The following PPA2 variants were observed in gnomAD, a reference collection of about 807,000 sequenced individuals.
PPA2 encodes the protein inorganic pyrophosphatase 2, mitochondrial.
Under a neutral mutation model 49.5 loss-of-function variants are expected in PPA2, and 48 were observed. The observed-to-expected ratio is 0.97, with a 90% CI of 0.77 to 1.23. The LOEUF (loss-of-function observed/expected upper bound fraction) is 1.23, where lower values mean the gene tolerates loss of function less well. PPA2 is among the 50% of genes most tolerant of loss of function. PPA2 has a pLI of 0.00. For synonymous variants in PPA2, 131 were observed against 139.9 expected, an observed-to-expected ratio of 0.94 and a Z score of 0.45; for missense variants, 429 against 410.1, an observed-to-expected ratio of 1.05 and a Z score of -0.40.
At chr4:105,374,238 G>A (rs1002680860) in intron 10 of PPA2, among the ~76,000 whole-genome samples, 1 of 152,128 alleles carries the variant, frequency 6.6e-6, no homozygotes, top group Admixed American at 6.6e-5. Context: ...CCAACAATGA[G>A]TATTGTTTTA....
chr4:105,442,130 A>G (rs1724400091), intron 5 of PPA2, among the ~76,000 whole-genome samples: 1 of 152,040 alleles, frequency 6.6e-6, no homozygotes, highest in Admixed American at 6.5e-5. Flanking sequence ...TTGGGCTCCC[A>G]AAGAACTGGA....
intron 6 of PPA2, among the ~76,000 whole-genome samples, chr4:105,428,015 A>T (rs1723607890): frequency 6.6e-6 from 1 of 152,238 alleles, no homozygotes; most frequent in African/African-American, 2.4e-5. Flanking sequence ...CAGAAACCCT[A>T]CAAGCCAGAA....
intron 9 of PPA2, among the ~76,000 whole-genome samples, chr4:105,393,945 CTT>C (rs1734029529): frequency 6.6e-6 from 1 of 152,074 alleles, no homozygotes; most frequent in Non-Finnish European, 1.5e-5. Context: ...TTCTGAAGCT[CTT>C]GACTTTAAAT....
intron 7 of PPA2, among the ~76,000 whole-genome samples, chr4:105,419,000 A>G (rs1398546676): frequency 2.0e-5 from 3 of 152,198 alleles, no homozygotes; most frequent in Non-Finnish European, 4.4e-5. Flanking sequence ...GCTATTATTC[A>G]CACTGGCCAA....
At chr4:105,406,114 C>CAAAAAAAAAAAAAA (rs35468715) in intron 7 of PPA2, among the ~76,000 whole-genome samples, 8 of 97,562 alleles carry the variant, frequency 8.2e-5, no homozygotes, top group Admixed American at 1.1e-4. Context: ...TATAAAACTT[C>CAAAAAAAAAAAAAA]AAAAAAAAAA....
At chr4:105,424,085 C>G in intron 7 of PPA2, 111 bp downstream of exon 7, 1 of 1,132,352 alleles carries the variant, frequency 8.8e-7, no homozygotes, top group East Asian at 2.6e-5. Flanking sequence ...ATCTTTTCCT[C>G]TCTCTTTTTT....
intron 5 of PPA2, among the ~76,000 whole-genome samples, chr4:105,442,572 G>A (rs557342459): frequency 6.6e-6 from 1 of 152,260 alleles, no homozygotes; most frequent in South Asian, 2.1e-4. Context: ...TCAATGAGAT[G>A]TAACACTGAA....
intron 1 of PPA2, among the ~76,000 whole-genome samples, chr4:105,460,876 T>G (rs952684028): frequency 6.6e-6 from 1 of 151,874 alleles, no homozygotes; most frequent in Non-Finnish European, 1.5e-5. Flanking sequence ...TATAGTTTTC[T>G]AATTGTCATT....
In PPA2 at chr4:105,396,321, T is replaced by C; in HGVS notation, c.797A>G (p.Glu266Gly). 6.3e-7 allele frequency: 1 copy of C among 1,595,212 alleles called. No homozygotes were observed. The highest frequency in any genetic ancestry group is 8.5e-7 in the Non-Finnish European group (1 of 1,171,534). Residue 266 changes from glutamate (E) to glycine (G), a missense_variant, in exon 9 of 12, where the codon GAA becomes GGA. Transcript: ENST00000341695. ...ACATTGATGAGTGGATTTAATAACT[T>C]CAAGAGCAAAAGCCTAGCTCCAAAC... is the stretch of plus-strand genomic sequence containing the variant. ...GEFKNKAFAL[E>G]VIKSTHQCWK... is the part of the protein sequence containing the mutation.
At chr4:105,433,919 T>C (rs1166318687) in intron 6 of PPA2, among the ~76,000 whole-genome samples, 1 of 152,258 alleles carries the variant, frequency 6.6e-6, no homozygotes, top group Non-Finnish European at 1.5e-5. Flanking sequence ...CAACTGCATA[T>C]GTAATTGCTA....
At chr4:105,411,603 C>A (rs1722761597) in intron 7 of PPA2, among the ~76,000 whole-genome samples, 1 of 152,096 alleles carries the variant, frequency 6.6e-6, no homozygotes, top group Non-Finnish European at 1.5e-5. Context: ...AATCAGGGAA[C>A]AGAATGAAAT....
chr4:105,369,798 G>A (rs753287762), intron 11 of PPA2, 45 bp from the exon 12 acceptor site: 5 of 1,497,434 alleles, frequency 3.3e-6, no homozygotes, highest in African/African-American at 1.4e-5. Flanking sequence ...AGGGATAAGA[G>A]GAGGGAGAAG....
intron 9 of PPA2, among the ~76,000 whole-genome samples, chr4:105,386,963 C>A (rs1376426618): frequency 3.9e-5 from 6 of 152,212 alleles, no homozygotes; most frequent in Non-Finnish European, 8.8e-5. Flanking sequence ...AAAGAGGAAG[C>A]AAATTTGACC....
chr4:105,393,460 G>A (rs546266316), intron 9 of PPA2, among the ~76,000 whole-genome samples: 1 of 147,692 alleles, frequency 6.8e-6, no homozygotes, highest in Non-Finnish European at 1.5e-5. Flanking sequence ...CTCCAGCCTC[G>A]GCAACAGAGC....
intron 5 of PPA2, among the ~76,000 whole-genome samples, chr4:105,441,624 T>C (rs542152265): frequency 1.4e-3 from 219 of 152,194 alleles, no homozygotes; most frequent in African/African-American, 4.8e-3. Flanking sequence ...GACTAACAGG[T>C]ATATAAGTAT....
intron 6 of PPA2, among the ~76,000 whole-genome samples, chr4:105,435,933 C>T (rs1369113275): frequency 6.6e-6 from 1 of 152,036 alleles, no homozygotes; most frequent in East Asian, 1.9e-4. Context: ...TCCCATTCAA[C>T]ATAGTACTGG....
intron 7 of PPA2, among the ~76,000 whole-genome samples, chr4:105,415,571 G>A (rs763249739): frequency 2.0e-5 from 3 of 152,194 alleles, no homozygotes; most frequent in South Asian, 2.1e-4. Context: ...TCAGGCCCCC[G>A]AGAGTGCAGG....
intron 7 of PPA2, among the ~76,000 whole-genome samples, chr4:105,400,402 T>C (rs1385772250): frequency 6.6e-6 from 1 of 152,090 alleles, no homozygotes; most frequent in Non-Finnish European, 1.5e-5. Flanking sequence ...TCCCAGCACT[T>C]TGGGATCACC....
intron 2 of PPA2, chr4:105,456,000 T>G (rs1478503549): frequency 3.6e-6 from 1 of 277,928 alleles, no homozygotes; most frequent in Non-Finnish European, 7.3e-6. Flanking sequence ...CTACCAAATA[T>G]GCCATATTAC....
Sources: gnomAD v4.1 joint callset for allele counts (sites outside exome capture counted in the v4.1 genomes callset) on GRCh38, gnomAD v4.1.1 for gene constraint, MANE v1.5 for transcripts, NCBI Gene and HGNC (gene_info 2026-07-23, HGNC 2026-07-21) for gene names.